The following ZNF841 variants were observed in gnomAD, a reference collection of about 807,000 sequenced individuals.
ZNF841 encodes the protein TCONS_00006091.
A neutral mutation model predicts 13.0 loss-of-function variants in ZNF841; 11 were observed. The observed-to-expected ratio is 0.85, with a 90% CI of 0.53 to 1.40. ZNF841 has a LOEUF of 1.40. Ranked by LOEUF, ZNF841 falls within the 40% of genes most tolerant of loss-of-function variation. The pLI is 0.00. For missense variants in ZNF841, 1,068 were observed against 1,139.5 expected (o/e 0.94, Z 0.90); for synonymous variants, 369 against 381.6 (o/e 0.97, Z 0.38).
At chr19:52,073,604 T>C (rs2087805368) in intron 6 of ZNF841, among the ~76,000 whole-genome samples, 1 of 152,214 alleles carries the variant, frequency 6.6e-6, no homozygotes, top group African/African-American at 2.4e-5. Flanking sequence ...CCATTGCTCC[T>C]GGCCCAATAC....
At chr19:52,064,082 C>CG (rs1180462904), downstream of ZNF841, among the ~76,000 whole-genome samples, 31 of 152,140 alleles carry the variant, frequency 2.0e-4, no homozygotes, top group African/African-American at 7.5e-4. Flanking sequence ...CAGTGGCTCA[C>CG]GCCTGTAATC....
intron 4 of ZNF841, among the ~76,000 whole-genome samples, chr19:52,079,888 G>A (rs886221416): frequency 6.6e-6 from 1 of 151,940 alleles, no homozygotes; most frequent in African/African-American, 2.4e-5. Flanking sequence ...CTACTAGGGA[G>A]GCTGAGCCAG....
At chr19:52,078,209 C>T (rs1169159235) in intron 4 of ZNF841, among the ~76,000 whole-genome samples, 1 of 151,980 alleles carries the variant, frequency 6.6e-6, no homozygotes, top group African/African-American at 2.4e-5. Flanking sequence ...ATTACTTGAA[C>T]CTGGGAGGTG....
At position 52,065,820 on chromosome 19, in the gene ZNF841, C is replaced by T; in HGVS notation, c.2062G>A (p.Glu688Lys). The T allele has an allele frequency of 6.2e-7, 1 of 1,613,200 alleles. No individual in the cohort carries two copies. The highest frequency in any genetic ancestry group is 8.5e-7 in the Non-Finnish European group (1 of 1,179,476). ...ENPYHCNEFG[E>K]AFIQSSKLAR... ...AGTTTTGAACTTTGGATAAAAGCCT[C>T]ACCAAATTCATTACAGTGGTAAGGG... The change falls in exon 7 of 7, where the codon GAG becomes AAG. Residue 688 changes from glutamate to lysine, a missense_variant. Physicochemically the swap from Glu to Lys is moderately conservative, Grantham distance 56. Coordinates refer to ENST00000594440, the MANE Select transcript of ZNF841 (RefSeq NM_001136499.2).
intron 4 of ZNF841, among the ~76,000 whole-genome samples, chr19:52,083,317 C>G (rs1277048311): frequency 6.6e-6 from 1 of 151,506 alleles, no homozygotes; most frequent in African/African-American, 2.4e-5. Flanking sequence ...GTGATTGCCT[C>G]TTCTAGGATG....
chr19:52,060,397 T>C (rs2087377358), downstream of ZNF841, among the ~76,000 whole-genome samples: 1 of 152,250 alleles, frequency 6.6e-6, no homozygotes, highest in South Asian at 2.1e-4. Flanking sequence ...ACTTGCAAGT[T>C]TCTGGCCAGG....
rs559790579 is a variant in ZNF841, at chr19:52,076,851, G to A, written c.142+107C>T. On this transcript the variant is annotated intron_variant, in intron 5 of 6. Transcript: ENST00000594440. ...AAGCTTTTTATTTGTGAATCAACAA[G>A]GCTTCAGTCTCTGTCAAATAATGTA... is the stretch of plus-strand genomic sequence containing the variant. The A allele has an allele frequency of 2.2e-6, 3 of 1,355,812 alleles. No homozygotes were observed. In the East Asian group the frequency reaches 7.7e-5, roughly 35 times the overall value. 84.0% of individuals were successfully genotyped at this position (1,355,812 alleles called of 1,614,324 possible).
Position 52,066,879 on chromosome 19 carries a change from G to A in ZNF841, c.1003C>T (p.His335Tyr). The A allele has an allele frequency of 6.2e-7, 1 of 1,614,146 alleles. No individual in the cohort carries two copies. Among genetic ancestry groups the A allele is most frequent in the Non-Finnish European group, 8.5e-7 (1 of 1,180,026 alleles). Reference protein sequence around the residue: ...IFRQNSDLVNHRRSHTGDKPY... With the variant: ...IFRQNSDLVNYRRSHTGDKPY... Reference sequence around the variant, plus strand: ...TTGTCTCCAGTGTGACTTCTCCGGTGATTTACAAGATCTGAATTTTGTCTG... The same window carrying A: ...TTGTCTCCAGTGTGACTTCTCCGGTAATTTACAAGATCTGAATTTTGTCTG... The change falls in exon 7 of 7, where the codon CAC (histidine) becomes TAC (tyrosine). Residue 335 changes from histidine to tyrosine, a missense_variant. His to Tyr is a moderately conservative substitution (Grantham distance 83, BLOSUM62 2). Coordinates refer to ENST00000594440, the MANE Select transcript of ZNF841 (RefSeq NM_001136499.2).
intron 5 of ZNF841, 86 bp downstream of exon 5, chr19:52,076,872 A>ACT: frequency 6.6e-7 from 1 of 1,516,364 alleles, no homozygotes; most frequent in Non-Finnish European, 9.0e-7. Context: ...CTGTCAAATA[A>ACT]TGTAGGGCCT....
intron 2 of ZNF841, among the ~76,000 whole-genome samples, chr19:52,091,273 A>C (rs1033867153): frequency 6.6e-6 from 1 of 152,208 alleles, no homozygotes; most frequent in African/African-American, 2.4e-5. Context: ...CATACTACCA[A>C]AAGTGATCTG....
the ZNF841 span, among the ~76,000 whole-genome samples, chr19:52,059,338 A>C: frequency 0.16 from 19,553 of 124,730 alleles, 1,826 homozygotes; most frequent in South Asian, 0.33. Flanking sequence ...CGACAGAGCG[A>C]GACTCTGTCT....
chr19:52,082,975 G>A (rs1046870435), intron 4 of ZNF841, among the ~76,000 whole-genome samples: 2 of 151,822 alleles, frequency 1.3e-5, no homozygotes, highest in Non-Finnish European at 2.9e-5. Flanking sequence ...AGCTACTCAG[G>A]AGGCTGAGGC....
chr19:52,065,942 T>A lies in ZNF841; in HGVS notation c.1940A>T (p.His647Leu). 1 of 1,614,248 alleles carries A rather than the reference T, an allele frequency of 6.2e-7. No homozygotes were observed. The highest frequency in any genetic ancestry group is 8.5e-7 in the Non-Finnish European group (1 of 1,180,042). ...YSCLARHRKI[H>L]TGEKPYKCND... ...ACATTTATAAGGTTTCTCTCCGGTA[T>A]GAATTTTCCGATGACGTGCTAGGCA... Residue 647 changes from histidine to leucine, a missense_variant, in exon 7 of 7, where the codon CAT becomes CTT. Physicochemically the swap from His to Leu is moderately conservative, Grantham distance 99. Coordinates refer to ENST00000594440, the MANE Select transcript of ZNF841 (RefSeq NM_001136499.2).
Position 52,067,285 on chromosome 19 carries a change from T to C in ZNF841, c.597A>G (p.Gln199=), listed in dbSNP as rs1451776444. Residue 199 remains glutamine, a synonymous_variant, in exon 7 of 7, where the codon CAA becomes CAG. Transcript: ENST00000594440. ...TACATCCATAAATTTTCTCTGCAGTTTGAAATTTCTGCAATTCACCCAGAC... is the reference window on the plus strand; with the variant it reads ...TACATCCATAAATTTTCTCTGCAGTCTGAAATTTCTGCAATTCACCCAGAC... ...QSGLGELQKF[Q]TAEKIYGCNQ... 2 of 1,551,608 alleles carry C rather than the reference T, an allele frequency of 1.3e-6. No individual in the cohort carries two copies. Among genetic ancestry groups the C allele is most frequent in the Non-Finnish European group, 1.7e-6 (2 of 1,146,988 alleles).
At chr19:52,062,970 G>A (rs1568531557), downstream of ZNF841, among the ~76,000 whole-genome samples, 1 of 151,368 alleles carries the variant, frequency 6.6e-6, no homozygotes, top group Non-Finnish European at 1.5e-5. Context: ...CAGCCTCCCG[G>A]GTTCAAACAA....
chr19:52,059,370 A>AAAAAAAAAATATATATAT, the ZNF841 span, among the ~76,000 whole-genome samples: 1 of 69,650 alleles, frequency 1.4e-5, no homozygotes, highest in African/African-American at 8.2e-5. Context: ...AAAAAAAAAA[A>AAAAAAAAAATATATATAT]ATATATATAT....
chr19:52,061,156 T>G (rs980012991), downstream of ZNF841, among the ~76,000 whole-genome samples: 2 of 152,188 alleles, frequency 1.3e-5, no homozygotes, highest in African/African-American at 4.8e-5. Context: ...CCTCCACTTT[T>G]CAAAGTCCTC....
rs370290083 is a variant in ZNF841 at position 52,066,249 on chromosome 19, C to T, written c.1633G>A (p.Val545Met). 6 of 1,613,994 alleles carry T rather than the reference C, an allele frequency of 3.7e-6. 1 individual carries two copies. The African/African-American group carries it at 4.0e-5, about 11-fold the overall frequency. ...CCGTAATTAAAGACCTTGCCACACA[C>T]ATTACATTTGTAAGGTTTCTCTCCG... ...HTGEKPYKCN[V>M]CGKVFNYGGY... Residue 545 changes from valine to methionine, a missense_variant, in exon 7 of 7, where the codon GTG becomes ATG. Coordinates refer to ENST00000594440, the MANE Select transcript of ZNF841 (RefSeq NM_001136499.2).
At chr19:52,087,313 G>A (rs1050520472) in intron 3 of ZNF841, among the ~76,000 whole-genome samples, 15 of 152,104 alleles carry the variant, frequency 9.9e-5, no homozygotes, top group Admixed American at 7.2e-4. Context: ...TTCATCATCC[G>A]GGTATTAAGC....
Sources: gnomAD v4.1 joint callset for allele counts (sites outside exome capture counted in the v4.1 genomes callset) on GRCh38, gnomAD v4.1.1 for gene constraint, MANE v1.5 for transcripts, NCBI Gene and HGNC (gene_info 2026-07-23, HGNC 2026-07-21) for gene names.